The following ZC3H6 variants were observed in gnomAD, a reference collection of about 807,000 sequenced individuals.
ZC3H6 encodes the protein zinc finger CCCH domain-containing protein 6.
Under a neutral mutation model 107.7 loss-of-function variants are expected in ZC3H6, and 40 were observed. That is an observed-to-expected ratio of 0.37 (90% CI 0.29 to 0.48). The LOEUF is 0.48. Ranked by LOEUF, ZC3H6 falls within the 20% of genes least tolerant of loss-of-function variation. The pLI is 0.98. For synonymous variants in ZC3H6, 493 were observed against 487.9 expected (o/e 1.01, Z -0.14); for missense variants, 1,267 against 1,410.4 (o/e 0.90, Z 1.63).
At position 112,332,130 on chromosome 2, in the gene ZC3H6, C is replaced by G. The variant is rs1246759551; in HGVS notation, c.3212C>G (p.Ser1071Ter). 6.2e-7 allele frequency: 1 copy of G among 1,613,900 alleles called. No homozygotes were observed. The highest frequency in any genetic ancestry group is 1.7e-5 in the Admixed American group (1 of 60,000). ...ELATASSGEN[S>*]KNQKKSGGLK... ...GCAACAGCTTCTTCAGGAGAAAACTCAAAGAACCAGAAAAAAAGTGGTGGC... is the reference window on the plus strand; with the variant it reads ...GCAACAGCTTCTTCAGGAGAAAACTGAAAGAACCAGAAAAAAAGTGGTGGC... Residue 1071 changes from serine to a stop codon, truncating the protein, a stop_gained, in exon 12 of 12, where the codon TCA (serine) becomes TGA (stop). Coordinates refer to ENST00000409871, the MANE Select transcript of ZC3H6 (RefSeq NM_198581.3). LOFTEE classifies it high-confidence loss of function.
chr2:112,278,287 G>A (rs985936395), intron 1 of ZC3H6, among the ~76,000 whole-genome samples: 1 of 152,174 alleles, frequency 6.6e-6, no homozygotes, highest in Non-Finnish European at 1.5e-5. Flanking sequence ...CTTGGTATAT[G>A]GAGCTAGGCT....
chr2:112,289,182 T>C (rs1334572265), intron 1 of ZC3H6, among the ~76,000 whole-genome samples: 1 of 151,560 alleles, frequency 6.6e-6, no homozygotes, highest in Non-Finnish European at 1.5e-5. Flanking sequence ...ATTTTTGTAG[T>C]TTTAGTAGAG....
intron 1 of ZC3H6, among the ~76,000 whole-genome samples, chr2:112,278,943 A>G (rs1458749747): frequency 6.6e-6 from 1 of 152,218 alleles, no homozygotes; most frequent in Non-Finnish European, 1.5e-5. Flanking sequence ...TATAGTGAAC[A>G]TTTTGCACAA....
At position 112,324,133 on chromosome 2, in the gene ZC3H6, T is replaced by A. The variant is rs926853611; in HGVS notation, c.1341-19T>A. Reference sequence around the variant, plus strand: ...TTCTTTTTCTTTGAACTAAGAAATATTATTATTTCTGTCTACAGGCCACCA... The same window carrying A: ...TTCTTTTTCTTTGAACTAAGAAATAATATTATTTCTGTCTACAGGCCACCA... On this transcript the variant is annotated intron_variant, in intron 9 of 11. Coordinates refer to ENST00000409871, the MANE Select transcript of ZC3H6 (RefSeq NM_198581.3). The A allele has an allele frequency of 6.5e-7, 1 of 1,532,502 alleles. No individual in the cohort carries two copies. The highest frequency in any genetic ancestry group is 8.8e-7 in the Non-Finnish European group (1 of 1,138,944). 94.9% of individuals were successfully genotyped at this position (1,532,502 alleles called of 1,614,324 possible).
intron 1 of ZC3H6, among the ~76,000 whole-genome samples, chr2:112,294,186 C>T (rs1349432020): frequency 2.0e-5 from 3 of 151,718 alleles, no homozygotes; most frequent in East Asian, 2.0e-4. Flanking sequence ...GTCAGCCTAT[C>T]GTTGGGCTTA....
At chr2:112,305,206 C>G (rs994082962) in intron 3 of ZC3H6, among the ~76,000 whole-genome samples, 1 of 152,056 alleles carries the variant, frequency 6.6e-6, no homozygotes, top group African/African-American at 2.4e-5. Flanking sequence ...GAGACTCTTA[C>G]AATGAATGAA....
intron 1 of ZC3H6, among the ~76,000 whole-genome samples, chr2:112,290,482 C>T (rs1003267045): frequency 2.0e-5 from 3 of 152,242 alleles, no homozygotes; most frequent in African/African-American, 4.8e-5. Flanking sequence ...ACTTCGTATA[C>T]TTGTGTGGTT....
Position 112,332,607 on chromosome 2 carries a change from T to G in ZC3H6, c.*119T>G. On this transcript the variant is annotated 3_prime_UTR_variant, in exon 12 of 12. Transcript: ENST00000409871. ...TAAATTATAAACACTTTTCAGCTGC[T>G]AGTATCAGAACCACATGAAGTTATA... The G allele has an allele frequency of 3.2e-5, 31 of 964,564 alleles. No individual in the cohort carries two copies. Among genetic ancestry groups the G allele is most frequent in the Non-Finnish European group, 4.5e-5 (30 of 670,256 alleles). The allele number at this position is 964,564 out of a possible 1,614,324, so 59.8% of individuals were successfully genotyped here. A position where few individuals can be genotyped will look rare whatever the true frequency, so the allele number is the denominator to read the frequency against.
intron 7 of ZC3H6, among the ~76,000 whole-genome samples, chr2:112,318,501 A>G (rs1312809988): frequency 2.0e-5 from 3 of 152,204 alleles, no homozygotes; most frequent in Non-Finnish European, 2.9e-5. Flanking sequence ...GAGAAATGCA[A>G]ATGGTCCCAA....
At chr2:112,304,355 G>T (rs1163627884) in intron 3 of ZC3H6, among the ~76,000 whole-genome samples, 7 of 152,188 alleles carry the variant, frequency 4.6e-5, no homozygotes, top group Non-Finnish European at 8.8e-5. Context: ...TTAAGCAATA[G>T]AAATGTATTT....
At position 112,331,349 on chromosome 2, in the gene ZC3H6, A is replaced by T; in HGVS notation, c.2431A>T (p.Asn811Tyr). Residue 811 changes from asparagine (N) to tyrosine (Y), a missense_variant, in exon 12 of 12, where the codon AAT becomes TAT. By Grantham distance (143) the Asn-to-Tyr change is moderately radical. Coordinates refer to ENST00000409871, the MANE Select transcript of ZC3H6 (RefSeq NM_198581.3). ...AGCAAAGTTTGATTTGCATCATGCA[A>T]ATGCTGGCACTAATGTCAAACACAA... ...GGAKFDLHHANAGTNVKHKRG... is the reference protein window; with the variant it reads ...GGAKFDLHHAYAGTNVKHKRG... 6.2e-7 allele frequency: 1 copy of T among 1,613,822 alleles called. No individual in the cohort carries two copies. The highest frequency in any genetic ancestry group is 8.5e-7 in the Non-Finnish European group (1 of 1,179,900).
Position 112,299,844 on chromosome 2 carries a change from T to C in ZC3H6, c.33-5T>C. ...TATTTGAAAATTAAAATTTTCCTTC[T>C]ATAGAGAAGATGGCGAATTAGAAGA... On this transcript the variant is annotated splice_region_variant and splice_polypyrimidine_tract_variant and intron_variant, in intron 1 of 11. Coordinates refer to ENST00000409871, the MANE Select transcript of ZC3H6 (RefSeq NM_198581.3). 1 of 1,408,458 alleles carries C rather than the reference T, an allele frequency of 7.1e-7. No individual in the cohort carries two copies. The highest frequency in any genetic ancestry group is 9.3e-7 in the Non-Finnish European group (1 of 1,079,196). The allele number at this position is 1,408,458 out of a possible 1,614,324, so 87.2% of individuals were successfully genotyped here.
intron 3 of ZC3H6, among the ~76,000 whole-genome samples, chr2:112,306,931 C>T (rs1245778458): frequency 6.6e-6 from 1 of 152,192 alleles, no homozygotes; most frequent in African/African-American, 2.4e-5. Context: ...CCAAATGCTG[C>T]CCACTTCTCA....
In ZC3H6 at chr2:112,316,508, G is replaced by A. The variant is rs1236435878; in HGVS notation, c.786G>A (p.Gln262=). ...KPGKKWKVMT[Q]EFINQHTVEH... ...GGAAAAAATGGAAGGTTATGACTCA[G>A]GAATTTATTAATCAGCACACAGTGG... is the stretch of plus-strand genomic sequence containing the variant. Residue 262 remains glutamine, a synonymous_variant, in exon 6 of 12, where the codon CAG becomes CAA. Transcript: ENST00000409871. The A allele has an allele frequency of 3.2e-5, 52 of 1,608,958 alleles. No homozygotes were observed. The highest frequency in any genetic ancestry group is 4.2e-5 in the Non-Finnish European group (50 of 1,178,336).
chr2:112,290,466 T>C (rs535065652), intron 1 of ZC3H6, among the ~76,000 whole-genome samples: 2 of 152,380 alleles, frequency 1.3e-5, no homozygotes, highest in African/African-American at 4.8e-5. Context: ...ATAGCACCAT[T>C]TACCTACTTC....
intron 7 of ZC3H6, among the ~76,000 whole-genome samples, chr2:112,317,847 A>G (rs1333160910): frequency 6.6e-6 from 1 of 152,182 alleles, no homozygotes; most frequent in East Asian, 1.9e-4. Flanking sequence ...AAAAAAATGT[A>G]TTCTGCAATT....
chr2:112,329,416 G>T (rs1435464676), intron 11 of ZC3H6, among the ~76,000 whole-genome samples: 1 of 152,182 alleles, frequency 6.6e-6, no homozygotes, highest in East Asian at 1.9e-4. Context: ...AATATTTAAA[G>T]TAATTGCAGC....
At chr2:112,318,518 C>T (rs4522611) in intron 7 of ZC3H6, among the ~76,000 whole-genome samples, 77,566 of 152,006 alleles carry the variant, frequency 0.51, 21,985 homozygotes, top group East Asian at 0.77. Context: ...CCAAAACATA[C>T]AGAAAGATGT....
chr2:112,296,776 A>G (rs1427674398), intron 1 of ZC3H6, among the ~76,000 whole-genome samples: 4 of 152,234 alleles, frequency 2.6e-5, no homozygotes, highest in Non-Finnish European at 4.4e-5. Context: ...GCAAGGTGCC[A>G]TGCTAGGTGC....
Sources: gnomAD v4.1 joint callset for allele counts (sites outside exome capture counted in the v4.1 genomes callset) on GRCh38, gnomAD v4.1.1 for gene constraint, MANE v1.5 for transcripts, NCBI Gene and HGNC (gene_info 2026-07-23, HGNC 2026-07-21) for gene names.